Variants in FGF14 observed in about 807,000 individuals in gnomAD.
FGF14 encodes the protein fibroblast growth factor homologous factor 4.
Under a neutral mutation model 25.5 loss-of-function variants are expected in FGF14, and 5 were observed. The ratio of observed to expected loss-of-function variants is 0.20; its 90% CI spans 0.10 to 0.41. The LOEUF (loss-of-function observed/expected upper bound fraction) is 0.41. FGF14 is among the 10% of genes least tolerant of loss of function. The pLI is 1.00. For synonymous variants in FGF14, 138 were observed against 118.3 expected (o/e 1.17, Z -1.08); for missense variants, 222 against 320.1 (o/e 0.69, Z 2.34).
At chr13:102,057,985 G>GT (rs1436656056) in intron 1 of FGF14, among the ~76,000 whole-genome samples, 1 of 152,124 alleles carries the variant, frequency 6.6e-6, no homozygotes, top group Non-Finnish European at 1.5e-5. Flanking sequence ...CTTTATTATT[G>GT]TTGTGTCTCA....
At chr13:102,060,367 T>C (rs917489349) in intron 1 of FGF14, among the ~76,000 whole-genome samples, 1 of 151,542 alleles carries the variant, frequency 6.6e-6, no homozygotes, top group Non-Finnish European at 1.5e-5. Flanking sequence ...ATACTAAAAA[T>C]ACAAAAAAAT....
intron 1 of FGF14, among the ~76,000 whole-genome samples, chr13:102,024,427 G>A (rs1484613932): frequency 6.6e-6 from 1 of 151,962 alleles, no homozygotes; most frequent in African/African-American, 2.4e-5. Context: ...CTTTTCTGGA[G>A]AACTGTCTAT....
chr13:102,211,565 T>G (rs1156489392), intron 1 of FGF14, among the ~76,000 whole-genome samples: 2 of 152,182 alleles, frequency 1.3e-5, no homozygotes, highest in African/African-American at 4.8e-5. Flanking sequence ...AACAGACAAT[T>G]TTTCCCTGCT....
chr13:101,944,575 A>T (rs76355579), intron 1 of FGF14, among the ~76,000 whole-genome samples: 3,034 of 152,292 alleles, frequency 0.02, 119 homozygotes, highest in African/African-American at 0.07. Context: ...ATTAAAGCTC[A>T]CTATTTATAC....
intron 1 of FGF14, among the ~76,000 whole-genome samples, chr13:101,991,112 T>A (rs1594924449): frequency 6.6e-6 from 1 of 152,134 alleles, no homozygotes; most frequent in Non-Finnish European, 1.5e-5. Flanking sequence ...TTTCTCAAGA[T>A]TCGTTATATA....
rs574450878 is a variant in FGF14 at position 102,316,710 on chromosome 13, T to C, written c.208+84761A>G. ...TAGTTTTTCAGCCATGGTATTATTG[T>C]AGGCTTTAACCTTTTTGTTCAGATG... On this transcript the variant is annotated intron_variant, in intron 1 of 4. Transcript: ENST00000376131. Among the ~76,000 whole-genome samples the C allele has an allele frequency of 7.9e-5, 12 of 152,346 alleles. No homozygotes were observed. In the South Asian group the frequency reaches 2.1e-3, roughly 26 times the overall value.
intron 1 of FGF14, among the ~76,000 whole-genome samples, chr13:102,068,844 G>A (rs2043024619): frequency 6.6e-6 from 1 of 152,200 alleles, no homozygotes; most frequent in African/African-American, 2.4e-5. Flanking sequence ...AACCACCCAA[G>A]GGCTGAGGAG....
intron 3 of FGF14, among the ~76,000 whole-genome samples, chr13:101,728,274 G>A (rs1450732535): frequency 6.6e-6 from 1 of 152,164 alleles, no homozygotes; most frequent in African/African-American, 2.4e-5. Flanking sequence ...TGATCAATTT[G>A]ATGAAATCAC....
chr13:101,988,328 G>A (rs1325697774), intron 1 of FGF14, among the ~76,000 whole-genome samples: 1 of 151,880 alleles, frequency 6.6e-6, no homozygotes, highest in Non-Finnish European at 1.5e-5. Context: ...TCAGGGAGAA[G>A]GAAAAAGGGG....
chr13:102,215,264 C>T lies in FGF14; in HGVS notation c.208+186207G>A, dbSNP rs567597279. Among the ~76,000 whole-genome samples the T allele has an allele frequency of 1.1e-4, 16 of 152,282 alleles. No homozygotes were observed. In the South Asian group the frequency reaches 3.3e-3, roughly 32 times the overall value. On this transcript the variant is annotated intron_variant, in intron 1 of 4. Transcript: ENST00000376131. ...AGAGAACCTCCAAGGTCAGCATGCTCCAGCACTGGATACATCAGCATATCA... is the reference window on the plus strand; with the variant it reads ...AGAGAACCTCCAAGGTCAGCATGCTTCAGCACTGGATACATCAGCATATCA...
intron 1 of FGF14, among the ~76,000 whole-genome samples, chr13:102,232,950 G>T (rs1466096139): frequency 6.6e-6 from 1 of 152,130 alleles, no homozygotes; most frequent in Non-Finnish European, 1.5e-5. Flanking sequence ...CAAAAGGAGT[G>T]TCCCCCACCT....
intron 1 of FGF14, among the ~76,000 whole-genome samples, chr13:101,879,594 T>A (rs528878818): frequency 4.6e-5 from 7 of 152,318 alleles, no homozygotes; most frequent in African/African-American, 1.2e-4. Context: ...TTTTAAATTA[T>A]GATTTAAATG....
chr13:102,165,575 AAAC>A (rs1451901411), intron 1 of FGF14, among the ~76,000 whole-genome samples: 3 of 149,492 alleles, frequency 2.0e-5, no homozygotes, highest in Non-Finnish European at 3.0e-5. Flanking sequence ...ACAAAAAACC[AAAC>A]ACCACGAATT....
intron 1 of FGF14, among the ~76,000 whole-genome samples, chr13:102,229,534 C>G (rs529848967): frequency 6.6e-6 from 1 of 152,146 alleles, no homozygotes; most frequent in African/African-American, 2.4e-5. Context: ...AAAGTTGTGA[C>G]TAATGAGGAT....
At chr13:101,860,037 T>C (rs1380180282) in intron 3 of FGF14, among the ~76,000 whole-genome samples, 1 of 152,118 alleles carries the variant, frequency 6.6e-6, no homozygotes, top group African/African-American at 2.4e-5. Flanking sequence ...TAGGATGCTC[T>C]TGTCATGCCC....
chr13:101,956,997 G>A (rs2036556910), intron 1 of FGF14, among the ~76,000 whole-genome samples: 1 of 151,920 alleles, frequency 6.6e-6, no homozygotes, highest in Non-Finnish European at 1.5e-5. Flanking sequence ...TGAGACCATA[G>A]CTAAATATAA....
chr13:101,772,412 A>C (rs1459292301), intron 3 of FGF14, among the ~76,000 whole-genome samples: 1 of 130,936 alleles, frequency 7.6e-6, no homozygotes, highest in Non-Finnish European at 1.7e-5. Context: ...CTGTCTTTAA[A>C]CTATAGTATC....
intron 1 of FGF14, among the ~76,000 whole-genome samples, chr13:101,986,938 G>GCACA (rs3064731): frequency 1.1e-3 from 166 of 148,136 alleles, no homozygotes; most frequent in African/African-American, 3.1e-3. Context: ...GTATGTGCAT[G>GCACA]CACACACACA....
intron 1 of FGF14, among the ~76,000 whole-genome samples, chr13:101,996,300 A>C (rs2039182607): frequency 1.3e-5 from 2 of 152,200 alleles, no homozygotes; most frequent in Admixed American, 1.3e-4. Context: ...GTTGGAGCTC[A>C]GTAGATTGTG....
Sources: gnomAD v4.1 joint callset for allele counts (sites outside exome capture counted in the v4.1 genomes callset) on GRCh38, gnomAD v4.1.1 for gene constraint, MANE v1.5 for transcripts, NCBI Gene and HGNC (gene_info 2026-07-23, HGNC 2026-07-21) for gene names.